Variants in PCDHGB3 observed in about 807,000 individuals in gnomAD.
PCDHGB3 encodes protocadherin gamma-B3.
In PCDHGB3, 40 loss-of-function variants were observed where a neutral mutation model predicts 59.2. The ratio of observed to expected loss-of-function variants is 0.68; its 90% CI spans 0.52 to 0.88. The LOEUF (loss-of-function observed/expected upper bound fraction) is 0.88, where lower values mean the gene tolerates loss of function less well. PCDHGB3 is among the 40% of genes least tolerant of loss of function. PCDHGB3 has a pLI of 0.00. For synonymous variants in PCDHGB3, 581 were observed against 503.6 expected (o/e 1.15, Z -2.06); for missense variants, 1,309 against 1,187.9 (o/e 1.10, Z -1.50).
chr5:141,492,552 T>A (rs1444534113), intron 1 of PCDHGB3, among the ~76,000 whole-genome samples: 1 of 152,084 alleles, frequency 6.6e-6, no homozygotes, highest in African/African-American at 2.4e-5. Context: ...CCGGGTCGCC[T>A]GGGGGGCGGC....
chr5:141,437,223 C>G (rs555637738), intron 1 of PCDHGB3, among the ~76,000 whole-genome samples: 1 of 152,198 alleles, frequency 6.6e-6, no homozygotes, highest in Admixed American at 6.5e-5. Context: ...TGATTCCAGT[C>G]ATAAAATTAT....
At chr5:141,418,718 A>G (rs1334115906) in intron 1 of PCDHGB3, 4 of 1,613,912 alleles carry the variant, frequency 2.5e-6, no homozygotes, top group Non-Finnish European at 3.4e-6. Flanking sequence ...TGTGGCTGAC[A>G]AAGCTCAGCA....
At chr5:141,408,078 C>G in intron 1 of PCDHGB3, 1 of 1,407,992 alleles carries the variant, frequency 7.1e-7, no homozygotes, top group Non-Finnish European at 9.4e-7. Context: ...CCTTTCCCAG[C>G]ACAGCGGATT....
chr5:141,391,134 C>T (rs2092305385), intron 1 of PCDHGB3: 1 of 152,118 alleles, frequency 6.6e-6, no homozygotes, highest in African/African-American at 2.4e-5. Context: ...TAATCATTCT[C>T]CTACCTCTAG....
intron 1 of PCDHGB3, among the ~76,000 whole-genome samples, chr5:141,480,753 G>A (rs1418880497): frequency 1.3e-5 from 2 of 152,144 alleles, no homozygotes; most frequent in Non-Finnish European, 2.9e-5. Flanking sequence ...ATCATTTTTT[G>A]AAGGTCCCCA....
chr5:141,448,232 T>A (rs917554207), intron 1 of PCDHGB3, among the ~76,000 whole-genome samples: 1 of 152,094 alleles, frequency 6.6e-6, no homozygotes, highest in Admixed American at 6.6e-5. Context: ...ATGTGTGGGG[T>A]TTTCTTTGCA....
intron 1 of PCDHGB3, chr5:141,408,586 C>G: frequency 6.2e-7 from 1 of 1,613,976 alleles, no homozygotes; most frequent in Non-Finnish European, 8.5e-7. Context: ...ATGTTAATGA[C>G]CACGCCCCTC....
intron 1 of PCDHGB3, among the ~76,000 whole-genome samples, chr5:141,402,570 C>G (rs947118867): frequency 1.3e-5 from 2 of 152,138 alleles, no homozygotes; most frequent in Admixed American, 1.3e-4. Flanking sequence ...TTATTTACAA[C>G]TCAGATATCT....
chr5:141,370,646 A>G lies in PCDHGB3; in HGVS notation c.252A>G (p.Leu84=). The G allele has an allele frequency of 1.2e-6, 2 of 1,613,916 alleles. No homozygotes were observed. The highest frequency in any genetic ancestry group is 1.7e-6 in the Non-Finnish European group (2 of 1,179,890). The part of the protein sequence containing the change: ...FFTVSPENGN[L]LVSDRIDREE... Reference sequence around the variant, plus strand: ...CCGTGAGCCCCGAAAATGGGAACTTACTTGTGAGCGACCGTATAGACCGAG... The same window carrying G: ...CCGTGAGCCCCGAAAATGGGAACTTGCTTGTGAGCGACCGTATAGACCGAG... The change falls in exon 1 of 4, where the codon TTA becomes TTG. Residue 84 remains leucine (L), a synonymous_variant. Transcript: ENST00000576222.
chr5:141,419,240 G>T, intron 1 of PCDHGB3: 1 of 1,613,980 alleles, frequency 6.2e-7, no homozygotes. Flanking sequence ...CCTGGTCCAC[G>T]TGCCAGAAAA....
rs191053275 is a variant in PCDHGB3, at chr5:141,384,800, A to T, written c.2415+11991A>T. 1,106 of 1,613,428 alleles carry T rather than the reference A, an allele frequency of 6.9e-4. 2 individuals are homozygous for T. In the Middle Eastern group the frequency reaches 0.018, roughly 27 times the overall value. ...GTGCGCACGGCTCGGGCCCTGCTGGACAGAGATGCCCTCAAGCAGAGCCTC... is the reference window on the plus strand; with the variant it reads ...GTGCGCACGGCTCGGGCCCTGCTGGTCAGAGATGCCCTCAAGCAGAGCCTC... On this transcript the variant is annotated intron_variant, in intron 1 of 3. Transcript: ENST00000576222.
intron 1 of PCDHGB3, among the ~76,000 whole-genome samples, chr5:141,494,469 C>T (rs2099754623): frequency 6.6e-6 from 1 of 152,114 alleles, no homozygotes; most frequent in Non-Finnish European, 1.5e-5. Flanking sequence ...GCACCTCTTC[C>T]CCCAGTTCCA....
intron 1 of PCDHGB3, chr5:141,403,099 C>T (rs762392585): frequency 2.5e-6 from 4 of 1,613,938 alleles, no homozygotes; most frequent in Non-Finnish European, 2.5e-6. Flanking sequence ...GCAACATCTC[C>T]AAGGACCTGG....
intron 1 of PCDHGB3, chr5:141,433,069 C>T (rs561950316): frequency 2.5e-6 from 4 of 1,614,080 alleles, no homozygotes; most frequent in African/African-American, 1.3e-5. Context: ...ACCTGATCTT[C>T]CCCCAGCCCA....
intron 1 of PCDHGB3, among the ~76,000 whole-genome samples, chr5:141,437,434 G>T (rs183505868): frequency 2.6e-5 from 4 of 152,194 alleles, no homozygotes; most frequent in East Asian, 3.8e-4. Context: ...AGCAGCAATA[G>T]CATAGGAATG....
intron 1 of PCDHGB3, chr5:141,408,352 C>T: frequency 6.2e-7 from 1 of 1,613,918 alleles, no homozygotes; most frequent in South Asian, 1.1e-5. Flanking sequence ...TGGGGAACCT[C>T]GCTAAGGATC....
At position 141,422,706 on chromosome 5, in the gene PCDHGB3, G is replaced by A. The variant is rs758922274; in HGVS notation, c.2415+49897G>A. On this transcript the variant is annotated intron_variant, in intron 1 of 3. Transcript: ENST00000576222. ...ATGCCCTGGTCACTTACTCTCTGAC[G>A]GATGACACTGTCCAGGGGGTGCCTC... The A allele has an allele frequency of 8.1e-6, 13 of 1,602,906 alleles. No homozygotes were observed. In the South Asian group the frequency reaches 1.5e-4, roughly 18 times the overall value.
intron 1 of PCDHGB3, chr5:141,408,974 G>A (rs899313364): frequency 6.2e-7 from 1 of 1,613,808 alleles, no homozygotes; most frequent in South Asian, 1.1e-5. Context: ...TCTGCCCCCT[G>A]GGTCCCCTGT....
chr5:141,395,152 T>C (rs1324313583), intron 1 of PCDHGB3: 1 of 1,614,196 alleles, frequency 6.2e-7, no homozygotes, highest in African/African-American at 1.3e-5. Context: ...GACATGCTCA[T>C]CAGTCAGGAG....
Sources: allele counts gnomAD v4.1 joint callset (sites outside exome capture counted in the v4.1 genomes callset), GRCh38; gene constraint gnomAD v4.1.1; transcripts MANE v1.5; gene names NCBI Gene and HGNC (gene_info 2026-07-23, HGNC 2026-07-21).